Variants in TRIM42 observed in about 807,000 individuals in gnomAD.
TRIM42 encodes tripartite motif-containing protein 42.
TRIM42 carries 59 observed loss-of-function variants against 64.9 expected under a neutral mutation model. The observed-to-expected ratio is 0.91, with a 90% CI of 0.74 to 1.13. The LOEUF (loss-of-function observed/expected upper bound fraction) is 1.13. Ranked by LOEUF, TRIM42 falls within the 50% of genes most tolerant of loss-of-function variation. The pLI, the probability that TRIM42 is intolerant of heterozygous loss-of-function variation, is 0.00. For missense variants in TRIM42, 878 were observed against 929.5 expected (o/e 0.94, Z 0.72); for synonymous variants, 354 against 346.3 (o/e 1.02, Z -0.25).
chr3:140,688,449 C>G lies in TRIM42; in HGVS notation c.1767C>G (p.Ser589Arg). The change falls in exon 3 of 5, where the codon AGC becomes AGG. Residue 589 changes from serine (S) to arginine (R), a missense_variant. Physicochemically the swap from Ser to Arg is moderately radical, Grantham distance 110. Transcript: ENST00000286349. ...GCCAGTCTGTACAGAACAGCAGCAG[C>G]TTCCACAACTGGTACTCATTCAACG... The part of the protein sequence containing the change: ...ADSQSVQNSS[S>R]FHNWYSFNDG... The G allele has an allele frequency of 6.2e-7, 1 of 1,614,242 alleles. No homozygotes were observed. The highest frequency in any genetic ancestry group is 8.5e-7 in the Non-Finnish European group (1 of 1,180,046).
At chr3:140,687,572 A>G in intron 2 of TRIM42, 150 bp from the exon 3 acceptor site, 1 of 624,220 alleles carries the variant, frequency 1.6e-6, no homozygotes, top group Non-Finnish European at 2.8e-6. Context: ...TCATAAACCT[A>G]TTCCAGCCTG....
chr3:140,680,308 C>T (rs1350739546), intron 1 of TRIM42, among the ~76,000 whole-genome samples: 1 of 152,084 alleles, frequency 6.6e-6, no homozygotes, highest in Non-Finnish European at 1.5e-5. Context: ...TGCTTCTCAT[C>T]ACCACCTTCT....
intron 4 of TRIM42, among the ~76,000 whole-genome samples, chr3:140,698,842 C>G (rs1276261768): frequency 6.6e-6 from 1 of 152,048 alleles, no homozygotes; most frequent in Admixed American, 6.5e-5. Flanking sequence ...TATCTGTTTA[C>G]TTACAATTCT....
intron 2 of TRIM42, among the ~76,000 whole-genome samples, chr3:140,684,237 G>A (rs1233682980): frequency 6.6e-6 from 1 of 152,192 alleles, no homozygotes; most frequent in African/African-American, 2.4e-5. Context: ...ATAAGTGGCA[G>A]ATGCAGTCTA....
In TRIM42 at chr3:140,691,686, C is replaced by G. The variant is rs568638771; in HGVS notation, c.2085+494C>G. On this transcript the variant is annotated intron_variant, in intron 4 of 4. Coordinates refer to ENST00000286349, the MANE Select transcript of TRIM42 (RefSeq NM_152616.5). ...GTGCAATATTTAGAACCTATTTATACTAAAAACAATTGTTCATCTGAAAGT... is the reference window on the plus strand; with the variant it reads ...GTGCAATATTTAGAACCTATTTATAGTAAAAACAATTGTTCATCTGAAAGT... 1.6e-3 allele frequency among the ~76,000 whole-genome samples: 247 copies of G among 152,242 alleles called. 2 individuals are homozygous for G. The highest frequency in any genetic ancestry group is 3.2e-3 in the Non-Finnish European group (220 of 68,026).
rs772047247 is a variant in TRIM42, at chr3:140,691,123, C to T, written c.2016C>T (p.Asn672=). Residue 672 remains asparagine, a synonymous_variant, in exon 4 of 5, where the codon AAC becomes AAT. Coordinates refer to ENST00000286349, the MANE Select transcript of TRIM42 (RefSeq NM_152616.5). ...QNLELHNLTP[N]TEYVFKVRAI... Reference sequence around the variant, plus strand: ...TGGAGCTGCACAACCTGACCCCCAACACAGAATACGTGTTTAAAGTTAGAG... The same window carrying T: ...TGGAGCTGCACAACCTGACCCCCAATACAGAATACGTGTTTAAAGTTAGAG... The T allele has an allele frequency of 3.1e-6, 5 of 1,614,016 alleles. No homozygotes were observed. The African/African-American group carries it at 6.7e-5, about 22-fold the overall frequency.
intron 4 of TRIM42, among the ~76,000 whole-genome samples, chr3:140,692,098 A>G (rs1988731367): frequency 6.6e-6 from 1 of 152,054 alleles, no homozygotes; most frequent in Non-Finnish European, 1.5e-5. Flanking sequence ...GGAACTGGAG[A>G]GTCATCAGTT....
At chr3:140,695,556 G>T (rs968445985) in intron 4 of TRIM42, among the ~76,000 whole-genome samples, 3 of 152,022 alleles carry the variant, frequency 2.0e-5, no homozygotes, top group Non-Finnish European at 4.4e-5. Flanking sequence ...AGTCATCCTC[G>T]GTGTCTGATG....
chr3:140,679,977 G>T (rs1988326173), intron 1 of TRIM42, among the ~76,000 whole-genome samples: 1 of 151,448 alleles, frequency 6.6e-6, no homozygotes, highest in Non-Finnish European at 1.5e-5. Context: ...ATTCTAATGT[G>T]CAGAATGGCC....
intron 2 of TRIM42, among the ~76,000 whole-genome samples, chr3:140,684,475 G>C (rs1988498114): frequency 6.6e-6 from 1 of 152,134 alleles, no homozygotes; most frequent in Non-Finnish European, 1.5e-5. Flanking sequence ...CCATCATTCA[G>C]ATAGGCCTAC....
chr3:140,696,783 C>T (rs900959753), intron 4 of TRIM42, among the ~76,000 whole-genome samples: 16 of 152,100 alleles, frequency 1.1e-4, no homozygotes, highest in African/African-American at 3.9e-4. Context: ...ATAAAGACAC[C>T]GGTTAGGTTG....
In TRIM42 at chr3:140,691,130, T is replaced by C. The variant is rs1369473425; in HGVS notation, c.2023T>C (p.Tyr675His). The C allele has an allele frequency of 6.2e-7, 1 of 1,613,980 alleles. No individual in the cohort carries two copies. Among genetic ancestry groups the C allele is most frequent in the African/African-American group, 1.3e-5 (1 of 74,902 alleles). The change falls in exon 4 of 5, where the codon TAC becomes CAC. Residue 675 changes from tyrosine (Y) to histidine (H), a missense_variant. Transcript: ENST00000286349. ...GCACAACCTGACCCCCAACACAGAA[T>C]ACGTGTTTAAAGTTAGAGCCATCAA... is the stretch of plus-strand genomic sequence containing the variant. ...ELHNLTPNTE[Y>H]VFKVRAINDN...
chr3:140,690,852 G>A, intron 3 of TRIM42, 116 bp from the exon 4 acceptor site: 2 of 768,322 alleles, frequency 2.6e-6, no homozygotes, highest in Non-Finnish European at 4.4e-6. Context: ...GGTAGCTACA[G>A]GGGATGGGGT....
At position 140,682,894 on chromosome 3, in the gene TRIM42, G is replaced by T. The variant is rs1988447611; in HGVS notation, c.774G>T (p.Leu258=). 1 of 1,614,084 alleles carries T rather than the reference G, an allele frequency of 6.2e-7. No individual in the cohort carries two copies. ...YKRCITCRLN[L]CNDCLKAFHS... ...GCTGCATCACCTGCCGCCTCAACCT[G>T]TGCAACGACTGCCTCAAGGCCTTCC... The change falls in exon 2 of 5, where the codon CTG becomes CTT. Residue 258 remains leucine, a synonymous_variant. Coordinates refer to ENST00000286349, the MANE Select transcript of TRIM42 (RefSeq NM_152616.5).
rs778603070 is a variant in TRIM42, at chr3:140,700,905, A to T, written c.2103A>T (p.Gly701=). The T allele has an allele frequency of 1.9e-6, 3 of 1,613,996 alleles. No individual in the cohort carries two copies. The African/African-American group carries it at 4.0e-5, about 22-fold the overall frequency. ...SDICKVVTPD[G]HGKNRAKWGL... is the part of the protein sequence containing the mutation. ...GATTGCAGGTGGTAACACCAGATGG[A>T]CATGGGAAGAACCGAGCTAAGTGGG... The change falls in exon 5 of 5, where the codon GGA becomes GGT. Residue 701 remains glycine (G), a synonymous_variant. Coordinates refer to ENST00000286349, the MANE Select transcript of TRIM42 (RefSeq NM_152616.5).
At chr3:140,685,867 T>C (rs1988534156) in intron 2 of TRIM42, among the ~76,000 whole-genome samples, 1 of 152,186 alleles carries the variant, frequency 6.6e-6, no homozygotes, top group Non-Finnish European at 1.5e-5. Context: ...GTGGAAACAA[T>C]ATCTTCATTG....
chr3:140,690,268 A>C (rs955610521), intron 3 of TRIM42, among the ~76,000 whole-genome samples: 4 of 152,050 alleles, frequency 2.6e-5, no homozygotes, highest in Non-Finnish European at 5.9e-5. Flanking sequence ...GAGATTTTTT[A>C]AACTCAGTTT....
chr3:140,689,722 T>G (rs1212975633), intron 3 of TRIM42, among the ~76,000 whole-genome samples: 1 of 151,700 alleles, frequency 6.6e-6, no homozygotes, highest in East Asian at 1.9e-4. Flanking sequence ...ATCGACATGA[T>G]GAAGTGTTTC....
chr3:140,688,328 C>T lies in TRIM42; in HGVS notation c.1646C>T (p.Ala549Val), dbSNP rs1988610937. Residue 549 changes from alanine (A) to valine (V), a missense_variant, in exon 3 of 5, where the codon GCC (alanine) becomes GTC (valine). Transcript: ENST00000286349. ...MLSFSNTDKKAKVGLEACGRA... is the reference protein window; with the variant it reads ...MLSFSNTDKKVKVGLEACGRA... The stretch of plus-strand genomic sequence containing the variant: ...TCCTTCAGCAACACTGACAAGAAGG[C>T]CAAGGTGGGTCTGGAGGCCTGTGGG... The T allele has an allele frequency of 9.3e-6, 15 of 1,614,090 alleles. No homozygotes were observed. Among genetic ancestry groups the T allele is most frequent in the Non-Finnish European group, 1.3e-5 (15 of 1,180,050 alleles).
Sources: allele counts gnomAD v4.1 joint callset (sites outside exome capture counted in the v4.1 genomes callset), GRCh38; gene constraint gnomAD v4.1.1; transcripts MANE v1.5; gene names NCBI Gene and HGNC (gene_info 2026-07-23, HGNC 2026-07-21).